Variants in RGS6 observed in about 807,000 individuals in gnomAD.
The protein encoded by RGS6 is regulator of G-protein signaling 6.
In RGS6, 30 loss-of-function variants were observed where a neutral mutation model predicts 78.5. The ratio of observed to expected loss-of-function variants is 0.38; its 90% CI spans 0.29 to 0.52. The LOEUF (loss-of-function observed/expected upper bound fraction) is 0.52. RGS6 is among the 20% of genes least tolerant of loss of function. The pLI is 0.85. For synonymous variants in RGS6, 206 were observed against 206.0 expected (o/e 1.00, Z 0.00); for missense variants, 495 against 609.7 (o/e 0.81, Z 1.98).
intron 2 of RGS6, among the ~76,000 whole-genome samples, chr14:72,047,202 A>T (rs1287718097): frequency 1.3e-5 from 2 of 152,174 alleles, no homozygotes; most frequent in Admixed American, 6.5e-5. Flanking sequence ...AATCTACTGG[A>T]TACTCTCATC....
At chr14:72,391,132 A>G (rs577769795) in intron 3 of RGS6, among the ~76,000 whole-genome samples, 1 of 152,362 alleles carries the variant, frequency 6.6e-6, no homozygotes, top group African/African-American at 2.4e-5. Flanking sequence ...CTTGGAAAGA[A>G]AGGTGAAAAC....
chr14:72,568,496 G>A (rs1434294373), downstream of RGS6, among the ~76,000 whole-genome samples: 2 of 152,206 alleles, frequency 1.3e-5, no homozygotes, highest in African/African-American at 4.8e-5. Flanking sequence ...GTTTGCCTGT[G>A]TGGGCAGCGG....
intron 2 of RGS6, among the ~76,000 whole-genome samples, chr14:72,189,816 C>T (rs2097299740): frequency 1.3e-5 from 2 of 152,088 alleles, no homozygotes; most frequent in Admixed American, 6.6e-5. Context: ...TTGAGACACG[C>T]ATAAGATTCA....
At chr14:72,104,764 C>G (rs2095599233) in intron 2 of RGS6, among the ~76,000 whole-genome samples, 1 of 152,138 alleles carries the variant, frequency 6.6e-6, no homozygotes, top group African/African-American at 2.4e-5. Flanking sequence ...ACTTAGTGCT[C>G]TCAAATTTTA....
intron 2 of RGS6, among the ~76,000 whole-genome samples, chr14:71,975,616 G>A (rs1425655264): frequency 2.0e-5 from 3 of 151,946 alleles, no homozygotes; most frequent in East Asian, 1.9e-4. Flanking sequence ...GTGCCACCAC[G>A]CCCAAATAAT....
intron 12 of RGS6, among the ~76,000 whole-genome samples, chr14:72,479,978 G>A (rs563745267): frequency 3.9e-5 from 6 of 152,320 alleles, no homozygotes; most frequent in South Asian, 4.1e-4. Context: ...TAGAAAGAGC[G>A]TATATATGGG....
intron 2 of RGS6, among the ~76,000 whole-genome samples, chr14:72,078,217 A>T (rs1247720347): frequency 2.0e-5 from 3 of 151,632 alleles, no homozygotes; most frequent in African/African-American, 7.3e-5. Flanking sequence ...ACCTCCCCAA[A>T]CCCCTTGCTC....
chr14:72,117,446 C>T (rs1342145391), intron 2 of RGS6, among the ~76,000 whole-genome samples: 1 of 152,086 alleles, frequency 6.6e-6, no homozygotes, highest in East Asian at 1.9e-4. Context: ...CACCCTTCAC[C>T]TTTCACCATG....
At chr14:72,461,667 G>T (rs1177847440) in intron 6 of RGS6, among the ~76,000 whole-genome samples, 2 of 152,070 alleles carry the variant, frequency 1.3e-5, no homozygotes, top group Non-Finnish European at 2.9e-5. Context: ...CCTCCAGCCT[G>T]GGTGATAGAG....
intron 3 of RGS6, among the ~76,000 whole-genome samples, chr14:72,416,967 C>CTA (rs2093858245): frequency 2.6e-5 from 4 of 152,186 alleles, no homozygotes; most frequent in Non-Finnish European, 5.9e-5. Flanking sequence ...GGGCCTGGCA[C>CTA]AGGGTATGCC....
At chr14:72,595,724 G>A in the RGS6 span, among the ~76,000 whole-genome samples, 1 of 152,218 alleles carries the variant, frequency 6.6e-6, no homozygotes. Context: ...GATGGCCTCT[G>A]CCTTCTTTAA....
At chr14:72,152,701 A>G (rs1407852562) in intron 2 of RGS6, among the ~76,000 whole-genome samples, 1 of 152,110 alleles carries the variant, frequency 6.6e-6, no homozygotes, top group Admixed American at 6.5e-5. Flanking sequence ...GGGATGGGGC[A>G]TATTTAGAAG....
intron 2 of RGS6, among the ~76,000 whole-genome samples, chr14:72,319,231 C>T (rs976763883): frequency 7.9e-5 from 12 of 151,954 alleles, no homozygotes; most frequent in Non-Finnish European, 1.6e-4. Flanking sequence ...ATGATCTTGA[C>T]GACTTAAAGA....
At chr14:72,297,422 TA>T (rs2065062176) in intron 2 of RGS6, among the ~76,000 whole-genome samples, 1 of 143,682 alleles carries the variant, frequency 7.0e-6, no homozygotes, top group African/African-American at 2.8e-5. Flanking sequence ...ATATTATTAT[TA>T]TTATTATTTT....
At chr14:71,977,480 T>C (rs1328133719) in intron 2 of RGS6, among the ~76,000 whole-genome samples, 1,250 of 105,296 alleles carry the variant, frequency 0.012, no homozygotes, top group African/African-American at 0.023. Flanking sequence ...TTTCTACATA[T>C]GGCTAGCCAG....
chr14:72,307,032 T>C (rs550791067), intron 2 of RGS6, among the ~76,000 whole-genome samples: 61 of 152,320 alleles, frequency 4.0e-4, no homozygotes, highest in African/African-American at 1.3e-3. Context: ...TGTGGTCTTA[T>C]TTTAAGAAAT....
chr14:72,404,809 C>T, intron 3 of RGS6, among the ~76,000 whole-genome samples: 1 of 152,080 alleles, frequency 6.6e-6, no homozygotes, highest in East Asian at 1.9e-4. Flanking sequence ...CCTCCTGCAT[C>T]CCGAGATAGC....
chr14:71,948,615 C>G (rs2152985432), intron 1 of RGS6, among the ~76,000 whole-genome samples: 1 of 152,228 alleles, frequency 6.6e-6, no homozygotes, highest in South Asian at 2.1e-4. Flanking sequence ...CATGTTATCT[C>G]TCTGAGATCA....
chr14:72,532,154 A>G (rs1160464345), intron 15 of RGS6, among the ~76,000 whole-genome samples: 2 of 152,212 alleles, frequency 1.3e-5, no homozygotes, highest in Non-Finnish European at 2.9e-5. Context: ...CATTTTTCCA[A>G]TAGCATGTGC....
Sources: gnomAD v4.1 joint callset for allele counts (sites outside exome capture counted in the v4.1 genomes callset) on GRCh38, gnomAD v4.1.1 for gene constraint, MANE v1.5 for transcripts, NCBI Gene and HGNC (gene_info 2026-07-23, HGNC 2026-07-21) for gene names.